DMD: variants seen among roughly 807,000 people sequenced by gnomAD.
DMD encodes dystrophin.
A neutral mutation model predicts 330.1 loss-of-function variants in DMD; 63 were observed. The ratio of observed to expected loss-of-function variants is 0.19; its 90% CI spans 0.16 to 0.24. DMD has a LOEUF of 0.24. Among genes scored for constraint, DMD ranks in the 10% least tolerant of loss-of-function variants. The pLI is 1.00. For missense variants in DMD, 3,344 were observed against 2,684.1 expected (o/e 1.25, Z -5.43); for synonymous variants, 1,223 against 959.8 (o/e 1.27, Z -5.07).
At chrX:32,380,875 G>A (rs1327226787) in intron 33 of DMD, among the ~76,000 whole-genome samples, 195 bp from the exon 34 acceptor site, 1 of 110,557 alleles carries the variant, frequency 9.0e-6, no homozygotes, top group East Asian at 2.8e-4. Context: ...AGATGACATC[G>A]TTTGTCCAAA....
At chrX:31,787,519 T>C (rs184768704) in intron 50 of DMD, among the ~76,000 whole-genome samples, 1 of 112,183 alleles carries the variant, frequency 8.9e-6, no homozygotes, top group East Asian at 2.8e-4. Context: ...ACTCCTTGGG[T>C]ATATTTGAGT....
At chrX:32,984,357 C>T (rs1038196489) in intron 2 of DMD, among the ~76,000 whole-genome samples, 4 of 112,304 alleles carry the variant, frequency 3.6e-5, no homozygotes, top group Non-Finnish European at 7.5e-5. Flanking sequence ...CAGGTTCAAG[C>T]GATTCTCCTG....
intron 1 of DMD, among the ~76,000 whole-genome samples, chrX:33,091,776 G>T (rs1254489286): frequency 9.0e-6 from 1 of 111,362 alleles, no homozygotes; most frequent in Non-Finnish European, 1.9e-5. Context: ...GCAGCTAAAA[G>T]GTTCTTCAAA....
At chrX:33,284,319 A>G (rs1442497502) in intron 1 of DMD, among the ~76,000 whole-genome samples, 1 of 111,147 alleles carries the variant, frequency 9.0e-6, no homozygotes, top group Admixed American at 9.6e-5. Flanking sequence ...TAAAAAGATG[A>G]TAGAGCAATC....
At chrX:32,315,716 A>G (rs936127680) in intron 41 of DMD, among the ~76,000 whole-genome samples, 2 of 110,993 alleles carry the variant, frequency 1.8e-5, no homozygotes, top group African/African-American at 6.5e-5. Context: ...GCTTCTCTCC[A>G]CCTGACCCCA....
intron 50 of DMD, among the ~76,000 whole-genome samples, chrX:31,785,406 A>G (rs1226690964): frequency 4.5e-5 from 5 of 112,141 alleles, no homozygotes; most frequent in Non-Finnish European, 1.9e-5. Context: ...TTGTACACAT[A>G]AAACAGTTAA....
chrX:32,030,887 A>T (rs1231751789), intron 44 of DMD, among the ~76,000 whole-genome samples: 1 of 111,828 alleles, frequency 8.9e-6, no homozygotes, highest in Non-Finnish European at 1.9e-5. Context: ...CAAGTTAGCT[A>T]GTGGAAGAGC....
intron 46 of DMD, among the ~76,000 whole-genome samples, 158 bp from the exon 47 acceptor site, chrX:31,929,903 T>C (rs1312010771): frequency 2.7e-5 from 3 of 111,729 alleles, no homozygotes; most frequent in African/African-American, 9.8e-5. Context: ...AGCACAGAGC[T>C]GATTGACTGA....
At chrX:32,974,249 A>G (rs1259894851) in intron 2 of DMD, among the ~76,000 whole-genome samples, 1 of 111,793 alleles carries the variant, frequency 8.9e-6, no homozygotes, top group Non-Finnish European at 1.9e-5. Flanking sequence ...GCAGATCTAT[A>G]GAGACACAAC....
At chrX:31,432,318 G>A (rs952191650) in intron 60 of DMD, among the ~76,000 whole-genome samples, 1 of 111,595 alleles carries the variant, frequency 9.0e-6, no homozygotes, top group Non-Finnish European at 1.9e-5. Context: ...AAAGAAGAGA[G>A]TCCTTTTTCT....
At chrX:31,154,700 G>T (rs1602212500) in intron 74 of DMD, among the ~76,000 whole-genome samples, 1 of 111,327 alleles carries the variant, frequency 9.0e-6, no homozygotes, top group South Asian at 3.8e-4. Context: ...CACCCCTAAT[G>T]ATTCTCTAAT....
At chrX:32,865,043 C>A in intron 2 of DMD, among the ~76,000 whole-genome samples, 1 of 111,116 alleles carries the variant, frequency 9.0e-6, no homozygotes, top group East Asian at 2.8e-4. Flanking sequence ...GCAAATAGGC[C>A]TTTATTTATT....
At chrX:32,597,727 A>G (rs1295443488) in intron 12 of DMD, among the ~76,000 whole-genome samples, 1 of 111,842 alleles carries the variant, frequency 8.9e-6, no homozygotes, top group Non-Finnish European at 1.9e-5. Context: ...AGGGGTAAAC[A>G]CAGGAATAAA....
chrX:32,189,760 G>A (rs781371793), intron 44 of DMD, among the ~76,000 whole-genome samples: 6 of 110,927 alleles, frequency 5.4e-5, no homozygotes, highest in African/African-American at 1.6e-4. Context: ...CAAAGGTCAC[G>A]TGGGTGGCAA....
intron 55 of DMD, among the ~76,000 whole-genome samples, chrX:31,611,796 AG>A (rs1406283094): frequency 9.0e-6 from 1 of 110,969 alleles, no homozygotes; most frequent in Non-Finnish European, 1.9e-5. Flanking sequence ...CCTGAGCTCA[AG>A]TGATCCTCCT....
intron 74 of DMD, among the ~76,000 whole-genome samples, chrX:31,166,924 T>C (rs1326554790): frequency 9.0e-6 from 1 of 111,713 alleles, no homozygotes; most frequent in Non-Finnish European, 1.9e-5. Context: ...TAAGTAGGCC[T>C]GGTGTTATGT....
intron 11 of DMD, among the ~76,000 whole-genome samples, chrX:32,628,031 C>G (rs59466539): frequency 9.1e-6 from 1 of 109,859 alleles, no homozygotes; most frequent in East Asian, 2.8e-4. Context: ...CTTATCATTT[C>G]TTTATGTGAC....
chrX:31,577,986 C>T (rs6631345), intron 55 of DMD, among the ~76,000 whole-genome samples: 14,809 of 110,685 alleles, frequency 0.13, 841 homozygotes, highest in East Asian at 0.26. Flanking sequence ...TAAAACACAT[C>T]GATGATATAT....
At chrX:31,293,163 G>T (rs994908395) in intron 62 of DMD, among the ~76,000 whole-genome samples, 6 of 70,568 alleles carry the variant, frequency 8.5e-5, no homozygotes, top group Non-Finnish European at 1.5e-4. Flanking sequence ...CCCCCAACCC[G>T]GTGTGTGTGT....
Sources: gnomAD v4.1 joint callset for allele counts (sites outside exome capture counted in the v4.1 genomes callset) on GRCh38, gnomAD v4.1.1 for gene constraint, MANE v1.5 for transcripts, NCBI Gene and HGNC (gene_info 2026-07-23, HGNC 2026-07-21) for gene names.